The following GHRHR variants were observed in gnomAD, a reference collection of about 807,000 sequenced individuals.
GHRHR encodes growth hormone releasing hormone receptor, also known as growth hormone-releasing hormone receptor.
A neutral mutation model predicts 58.3 loss-of-function variants in GHRHR; 40 were observed. The observed-to-expected ratio is 0.69, with a 90% CI of 0.53 to 0.89. GHRHR has a LOEUF of 0.89. Ranked by LOEUF, GHRHR falls within the 40% of genes least tolerant of loss-of-function variation. The pLI, the probability that GHRHR is intolerant of heterozygous loss-of-function variation, is 0.00. For missense variants in GHRHR, 551 were observed against 541.3 expected (o/e 1.02, Z -0.18); for synonymous variants, 249 against 216.6 (o/e 1.15, Z -1.31).
In GHRHR at chr7:30,969,841, G is replaced by T. The variant is rs4988497; in HGVS notation, c.269-26G>T. 0.011 allele frequency: 17,757 copies of T among 1,612,368 alleles called. 123 individuals carry two copies. Among genetic ancestry groups the T allele is most frequent in the Non-Finnish European group, 0.013 (15,046 of 1,178,382 alleles). On this transcript the variant is annotated intron_variant, in intron 3 of 12. Coordinates refer to ENST00000326139, the MANE Select transcript of GHRHR (RefSeq NM_000823.4). Reference sequence around the variant, plus strand: ...TCCTGGGGAGAGGGAAGGAGTTGTGGCTAGAGAGTCTTGCTTGCCTCCCAG... The same window carrying T: ...TCCTGGGGAGAGGGAAGGAGTTGTGTCTAGAGAGTCTTGCTTGCCTCCCAG...
chr7:30,969,678 G>C, intron 3 of GHRHR, 189 bp from the exon 4 acceptor site: 1 of 661,246 alleles, frequency 1.5e-6, no homozygotes, highest in Non-Finnish European at 2.7e-6. Flanking sequence ...AGCCAGAGAA[G>C]GAAGGCCCCA....
At chr7:30,967,423 T>C (rs1422124903) in intron 1 of GHRHR, among the ~76,000 whole-genome samples, 2 of 152,214 alleles carry the variant, frequency 1.3e-5, no homozygotes, top group African/African-American at 4.8e-5. Context: ...AGAGATCATT[T>C]CTCATGGCCA....
intron 6 of GHRHR, 105 bp from the exon 7 acceptor site, chr7:30,973,879 TA>T: frequency 8.6e-7 from 1 of 1,166,212 alleles, no homozygotes; most frequent in Non-Finnish European, 1.3e-6. Flanking sequence ...GGTCCCAGCC[TA>T]ACATGGAGGG....
intron 1 of GHRHR, among the ~76,000 whole-genome samples, 196 bp from the exon 2 acceptor site, chr7:30,968,635 TCCC>T (rs1792407794): frequency 8.1e-5 from 2 of 24,806 alleles, no homozygotes; most frequent in East Asian, 1.5e-3. Context: ...CCTCCCTCCC[TCCC>T]TCCCTTCCTT....
rs200472991 is a variant in GHRHR at position 30,975,808 on chromosome 7, G to A, written c.914G>A (p.Arg305His). 54 of 1,610,992 alleles carry A rather than the reference G, an allele frequency of 3.4e-5. No individual in the cohort carries two copies. Among genetic ancestry groups the A allele is most frequent in the Middle Eastern group, 1.7e-4 (1 of 6,052 alleles). The change falls in exon 10 of 13, where the codon CGC becomes CAC. Residue 305 changes from arginine to histidine, a missense_variant. Arg to His is a conservative substitution (Grantham distance 29). Coordinates refer to ENST00000326139, the MANE Select transcript of GHRHR (RefSeq NM_000823.4). ...TTTGGGCTTTTTCTCAATATTATCCGCATCCTGGTGAGGAAACTGGAGCCA... is the reference window on the plus strand; with the variant it reads ...TTTGGGCTTTTTCTCAATATTATCCACATCCTGGTGAGGAAACTGGAGCCA... Reference protein sequence around the residue: ...VNFGLFLNIIRILVRKLEPAQ... With the variant: ...VNFGLFLNIIHILVRKLEPAQ...
chr7:30,976,744 C>CCATCCATCCATCCATCCATG (rs1792593060), intron 11 of GHRHR, among the ~76,000 whole-genome samples, 186 bp downstream of exon 11: 1 of 152,092 alleles, frequency 6.6e-6, no homozygotes, highest in Non-Finnish European at 1.5e-5. Flanking sequence ...ATGCATTCTT[C>CCATCCATCCATCCATCCATG]CATCCATCCA....
At chr7:30,965,183 CT>C (rs917687288) in intron 1 of GHRHR, among the ~76,000 whole-genome samples, 5 of 152,194 alleles carry the variant, frequency 3.3e-5, no homozygotes, top group African/African-American at 1.2e-4. Flanking sequence ...GACTGCCCCC[CT>C]GTCTGCCATC....
rs1584416083 is a variant in GHRHR at position 30,975,737 on chromosome 7, C to A, written c.883-40C>A. Reference sequence around the variant, plus strand: ...CACCCCAGCCACCCAAGGCTACCCCCTGACCCTTGTCTTCCACCTTCCTAT... The same window carrying A: ...CACCCCAGCCACCCAAGGCTACCCCATGACCCTTGTCTTCCACCTTCCTAT... On this transcript the variant is annotated intron_variant, in intron 9 of 12. Coordinates refer to ENST00000326139, the MANE Select transcript of GHRHR (RefSeq NM_000823.4). The A allele has an allele frequency of 5.7e-6, 7 of 1,230,798 alleles. No homozygotes were observed. The East Asian group carries it at 1.6e-4, about 29-fold the overall frequency. 76.2% of individuals were successfully genotyped at this position (1,230,798 alleles called of 1,614,324 possible).
Position 30,969,097 on chromosome 7 carries a change from G to A in GHRHR, c.195G>A (p.Trp65Ter), listed in dbSNP as rs867537571. Residue 65 changes from tryptophan (W) to a stop codon, truncating the protein, a stop_gained, in exon 3 of 13, where the codon TGG (tryptophan) becomes TGA (stop). Coordinates refer to ENST00000326139, the MANE Select transcript of GHRHR (RefSeq NM_000823.4). LOFTEE classifies it high-confidence loss of function. ...CPATWDGLLCWPTAGSGEWVT... is the reference protein window; with the variant it reads ...CPATWDGLLC ...CGACCTGGGATGGGCTGCTGTGCTGGCCAACGGCAGGCTCTGGCGAGTGGG... is the reference window on the plus strand; with the variant it reads ...CGACCTGGGATGGGCTGCTGTGCTGACCAACGGCAGGCTCTGGCGAGTGGG... 1 of 1,581,474 alleles carries A rather than the reference G, an allele frequency of 6.3e-7. No homozygotes were observed. The highest frequency in any genetic ancestry group is 1.2e-5 in the South Asian group (1 of 86,430).
intron 10 of GHRHR, 144 bp downstream of exon 10, chr7:30,976,012 C>T (rs1358186298): frequency 2.9e-6 from 2 of 683,252 alleles, no homozygotes; most frequent in Non-Finnish European, 5.4e-6. Flanking sequence ...GACCTGGCCC[C>T]TTCCTTCTAG....
chr7:30,971,952 A>G lies in GHRHR; in HGVS notation c.465-11A>G. ...TTGCTTCTTGTTCCTCATTTCTCCCATTACCCCCAGGAGGCTCCACTGCCC... is the reference window on the plus strand; with the variant it reads ...TTGCTTCTTGTTCCTCATTTCTCCCGTTACCCCCAGGAGGCTCCACTGCCC... On this transcript the variant is annotated splice_polypyrimidine_tract_variant and intron_variant, in intron 5 of 12. Transcript: ENST00000326139. 6.2e-7 allele frequency: 1 copy of G among 1,613,284 alleles called. No homozygotes were observed. Among genetic ancestry groups the G allele is most frequent in the Non-Finnish European group, 8.5e-7 (1 of 1,179,610 alleles).
At chr7:30,976,595 G>A (rs770490301) in intron 11 of GHRHR, 37 bp downstream of exon 11, 1 of 1,599,014 alleles carries the variant, frequency 6.3e-7, no homozygotes, top group South Asian at 1.1e-5. Context: ...TTTCCATTGA[G>A]GGTGCTGGAG....
At chr7:30,973,881 A>G in intron 6 of GHRHR, 104 bp from the exon 7 acceptor site, 1 of 1,175,156 alleles carries the variant, frequency 8.5e-7, no homozygotes, top group Non-Finnish European at 1.3e-6. Flanking sequence ...TCCCAGCCTA[A>G]CATGGAGGGG....
intron 1 of GHRHR, among the ~76,000 whole-genome samples, chr7:30,966,522 C>T (rs1029946777): frequency 3.9e-5 from 6 of 152,140 alleles, no homozygotes; most frequent in South Asian, 2.1e-4. Flanking sequence ...GCTCTTCTCC[C>T]CACTGTGTGT....
chr7:30,973,971 G>C lies in GHRHR; in HGVS notation c.598-14G>C. 1 of 1,612,852 alleles carries C rather than the reference G, an allele frequency of 6.2e-7. No individual in the cohort carries two copies. Among genetic ancestry groups the C allele is most frequent in the Non-Finnish European group, 8.5e-7 (1 of 1,179,854 alleles). On this transcript the variant is annotated splice_polypyrimidine_tract_variant and intron_variant, in intron 6 of 12. Transcript: ENST00000326139. Reference sequence around the variant, plus strand: ...GGTGTCCCAGCTCTGAAGCACCCAGGTCCTGGCCCCCAGGTTCTATGCAAG... The same window carrying C: ...GGTGTCCCAGCTCTGAAGCACCCAGCTCCTGGCCCCCAGGTTCTATGCAAG...
intron 9 of GHRHR, 104 bp from the exon 10 acceptor site, chr7:30,975,673 A>G: frequency 1.3e-6 from 1 of 744,410 alleles, no homozygotes. Flanking sequence ...CTCACGTCTC[A>G]AGGATTTAAA....
At chr7:30,965,898 A>G (rs1022217041) in intron 1 of GHRHR, among the ~76,000 whole-genome samples, 5 of 152,110 alleles carry the variant, frequency 3.3e-5, no homozygotes, top group African/African-American at 1.2e-4. Context: ...TGTAGGGGAG[A>G]CGCAACGGGG....
At chr7:30,976,370 A>C (rs1792584185) in intron 10 of GHRHR, 59 bp from the exon 11 acceptor site, 1 of 1,527,410 alleles carries the variant, frequency 6.5e-7, no homozygotes, top group Admixed American at 1.7e-5. Flanking sequence ...GAGGAGATGA[A>C]GTGCACACGA....
chr7:30,964,033 C>G lies in GHRHR; in HGVS notation c.-36C>G, dbSNP rs1312632794. ...GGGGAAGGAAGATAGCCAAGGCTTA[C>G]TGAGGCTGGTGGAGGGAGCCACTGC... On this transcript the variant is annotated 5_prime_UTR_variant, in exon 1 of 13. Transcript: ENST00000326139. 1 of 1,541,852 alleles carries G rather than the reference C, an allele frequency of 6.5e-7. No individual in the cohort carries two copies. Among genetic ancestry groups the G allele is most frequent in the African/African-American group, 1.4e-5 (1 of 72,888 alleles).
Sources: gnomAD v4.1 joint callset for allele counts (sites outside exome capture counted in the v4.1 genomes callset) on GRCh38, gnomAD v4.1.1 for gene constraint, MANE v1.5 for transcripts, NCBI Gene and HGNC (gene_info 2026-07-23, HGNC 2026-07-21) for gene names.